Variants in PELI1 observed in about 807,000 individuals in gnomAD.
PELI1 encodes E3 ubiquitin-protein ligase pellino homolog 1.
In PELI1, 15 loss-of-function variants were observed where a neutral mutation model predicts 41.3. The ratio of observed to expected loss-of-function variants is 0.36; its 90% confidence interval spans 0.24 to 0.56. The LOEUF (loss-of-function observed/expected upper bound fraction) is 0.56. Among genes scored for constraint, PELI1 ranks in the 20% least tolerant of loss-of-function variants. The pLI, the probability that PELI1 is intolerant of heterozygous loss-of-function variation, is 0.82. For missense variants in PELI1, 403 were observed against 525.5 expected (o/e 0.77, Z 2.28); for synonymous variants, 178 against 180.1 (o/e 0.99, Z 0.09).
At position 64,121,649 on chromosome 2, in the gene PELI1, T is replaced by G. The variant is rs147743444; in HGVS notation, c.-69-13270A>C. Among the ~76,000 whole-genome samples, 12 of 152,350 alleles carry G rather than the reference T, an allele frequency of 7.9e-5. No individual in the cohort carries two copies. In the East Asian group the frequency reaches 2.3e-3, roughly 29 times the overall value. The stretch of plus-strand genomic sequence containing the variant: ...GGCCAGGTGCCATGGCCCACGCCTG[T>G]AATCCCAGCACTTTGGAAGGCCAAG... On this transcript the variant is annotated intron_variant, in intron 1 of 6. Transcript: ENST00000358912.
At chr2:64,142,840 C>CAATG in intron 1 of PELI1, among the ~76,000 whole-genome samples, 1 of 152,102 alleles carries the variant, frequency 6.6e-6, no homozygotes, top group East Asian at 1.9e-4. Flanking sequence ...CAGTAAAGGA[C>CAATG]AATGCCATTT....
intron 4 of PELI1, among the ~76,000 whole-genome samples, chr2:64,097,506 A>C (rs1680282312): frequency 6.6e-6 from 1 of 152,222 alleles, no homozygotes; most frequent in East Asian, 1.9e-4. Flanking sequence ...ATTTAAAAAT[A>C]TCTTCAGAGG....
At chr2:64,131,386 C>T (rs967120890) in intron 1 of PELI1, among the ~76,000 whole-genome samples, 1 of 151,610 alleles carries the variant, frequency 6.6e-6, no homozygotes, top group African/African-American at 2.4e-5. Flanking sequence ...ACTTATAATA[C>T]CTAATAAAAT....
chr2:64,133,731 CTATT>C, intron 1 of PELI1, among the ~76,000 whole-genome samples: 1 of 152,006 alleles, frequency 6.6e-6, no homozygotes, highest in Non-Finnish European at 1.5e-5. Flanking sequence ...CCTCTCCTCT[CTATT>C]TATTCAATAA....
intron 1 of PELI1, among the ~76,000 whole-genome samples, chr2:64,112,603 T>G (rs1263430619): frequency 2.6e-5 from 4 of 152,244 alleles, no homozygotes; most frequent in Non-Finnish European, 5.9e-5. Context: ...GGGGATATTT[T>G]ATCAGTGACA....
chr2:64,104,525 C>T lies in PELI1; in HGVS notation c.201+176G>A, dbSNP rs1680554421. 9.3e-6 allele frequency: 9 copies of T among 962,610 alleles called. No individual in the cohort carries two copies. In the East Asian group the frequency reaches 2.7e-4, roughly 29 times the overall value. The allele number at this position is 962,610 out of a possible 1,614,324, so 59.6% of individuals were successfully genotyped here. Reference sequence around the variant, plus strand: ...TCATTTTTTTTTTAAAAGTCCAATTCCCCTTCCATATGGCAGCTCTTCAAA... The same window carrying T: ...TCATTTTTTTTTTAAAAGTCCAATTTCCCTTCCATATGGCAGCTCTTCAAA... On this transcript the variant is annotated intron_variant, in intron 3 of 6. Coordinates refer to ENST00000358912, the MANE Select transcript of PELI1 (RefSeq NM_020651.4).
At chr2:64,105,087 T>A (rs1680577819) in intron 2 of PELI1, among the ~76,000 whole-genome samples, 2 of 125,456 alleles carry the variant, frequency 1.6e-5, no homozygotes, top group African/African-American at 5.1e-5. Flanking sequence ...TTATCTCTAT[T>A]TTTTTCCTTC....
rs1330436180 is a variant in PELI1, at chr2:64,094,382, A to G, written c.*320T>C. ...GTTTGAACCAACAGTACCCTCAGTT[A>G]TACAAAACAATTTCAGCACTGAGGA... is the stretch of plus-strand genomic sequence containing the variant. On this transcript the variant is annotated 3_prime_UTR_variant, in exon 7 of 7. Transcript: ENST00000358912. 3 of 225,112 alleles carry G rather than the reference A, an allele frequency of 1.3e-5. No homozygotes were observed. Among genetic ancestry groups the G allele is most frequent in the Non-Finnish European group, 2.6e-5 (3 of 113,696 alleles). 13.9% of individuals were successfully genotyped at this position (225,112 alleles called of 1,614,324 possible). A position where few individuals can be genotyped will look rare whatever the true frequency, so the allele number is the denominator to read the frequency against.
intron 2 of PELI1, among the ~76,000 whole-genome samples, chr2:64,107,279 T>C (rs976394840): frequency 6.6e-6 from 1 of 152,202 alleles, no homozygotes; most frequent in Non-Finnish European, 1.5e-5. Flanking sequence ...TAGGAAAGGC[T>C]AATACTGTGT....
chr2:64,100,214 T>C (rs186214201), intron 4 of PELI1, among the ~76,000 whole-genome samples, 184 bp downstream of exon 4: 1 of 152,326 alleles, frequency 6.6e-6, no homozygotes, highest in Admixed American at 6.5e-5. Flanking sequence ...CCAGTAATTC[T>C]TATTCTGGAG....
Position 64,095,081 on chromosome 2 carries a change from C to T in PELI1, c.878G>A (p.Ser293Asn). ...PVGFNTLAFP[S>N]MKRKDVVDEK... ...ATCTACAACGTCTTTCCTCTTCATA[C>T]TAGGAAATGCTAGTGTGTTGAACCC... Residue 293 changes from serine (S) to asparagine (N), a missense_variant, in exon 7 of 7, where the codon AGT becomes AAT. By Grantham distance (46) the Ser-to-Asn change is conservative. Coordinates refer to ENST00000358912, the MANE Select transcript of PELI1 (RefSeq NM_020651.4). The T allele has an allele frequency of 6.2e-7, 1 of 1,614,150 alleles. No homozygotes were observed. Among genetic ancestry groups the T allele is most frequent in the Non-Finnish European group, 8.5e-7 (1 of 1,180,000 alleles).
intron 3 of PELI1, among the ~76,000 whole-genome samples, chr2:64,103,182 A>G (rs1419129175): frequency 6.6e-6 from 1 of 152,094 alleles, no homozygotes; most frequent in Admixed American, 6.5e-5. Flanking sequence ...ATTGCCTAGT[A>G]AAGATGAAAG....
chr2:64,141,476 T>C (rs72893172), intron 1 of PELI1, among the ~76,000 whole-genome samples: 3,470 of 152,306 alleles, frequency 0.023, 113 homozygotes, highest in African/African-American at 0.077. Flanking sequence ...GTAAAATGTG[T>C]ATGTATATAT....
chr2:64,106,769 A>T (rs1680635225), intron 2 of PELI1, among the ~76,000 whole-genome samples: 1 of 152,200 alleles, frequency 6.6e-6, no homozygotes, highest in African/African-American at 2.4e-5. Flanking sequence ...AGTCAAGCTC[A>T]GTAACTCCAT....
chr2:64,126,971 T>A (rs1681409692), intron 1 of PELI1, among the ~76,000 whole-genome samples: 1 of 152,186 alleles, frequency 6.6e-6, no homozygotes, highest in Non-Finnish European at 1.5e-5. Flanking sequence ...AACCATGGCT[T>A]TGTAAGCTCA....
chr2:64,104,614 AG>A, intron 3 of PELI1, 86 bp downstream of exon 3: 1 of 1,400,210 alleles, frequency 7.1e-7, no homozygotes, highest in Non-Finnish European at 9.3e-7. Context: ...TAGAAATGTA[AG>A]GGGAATGCTA....
chr2:64,119,188 T>C (rs714672), intron 1 of PELI1, among the ~76,000 whole-genome samples: 47,721 of 151,998 alleles, frequency 0.31, 8,141 homozygotes, highest in East Asian at 0.77. Flanking sequence ...TTATTTAACT[T>C]CTTCCCTAAG....
chr2:64,121,657 G>A (rs984296878), intron 1 of PELI1, among the ~76,000 whole-genome samples: 5 of 152,138 alleles, frequency 3.3e-5, no homozygotes, highest in Non-Finnish European at 7.4e-5. Flanking sequence ...TGTAATCCCA[G>A]CACTTTGGAA....
chr2:64,109,564 C>T (rs1355409684), intron 1 of PELI1, among the ~76,000 whole-genome samples: 2 of 152,116 alleles, frequency 1.3e-5, no homozygotes, highest in Non-Finnish European at 2.9e-5. Context: ...CCTGTAATCC[C>T]AGCTACTAAG....
Sources: allele counts gnomAD v4.1 joint callset (sites outside exome capture counted in the v4.1 genomes callset), GRCh38; gene constraint gnomAD v4.1.1; transcripts MANE v1.5; gene names NCBI Gene and HGNC (gene_info 2026-07-23, HGNC 2026-07-21).